Variants in SPRING1 observed in about 807,000 individuals in gnomAD.
The protein encoded by SPRING1 is SREBP regulating gene protein.
Under a neutral mutation model 24.7 loss-of-function variants are expected in SPRING1, and 14 were observed. The ratio of observed to expected loss-of-function variants is 0.57; its 90% CI spans 0.37 to 0.88. The LOEUF is 0.88. SPRING1 is among the 40% of genes least tolerant of loss of function. SPRING1 has a pLI of 0.00. For missense variants in SPRING1, 255 were observed against 268.4 expected, an observed-to-expected ratio of 0.95 and a Z score of 0.35; for synonymous variants, 93 against 106.1, an observed-to-expected ratio of 0.88 and a Z score of 0.76.
At chr12:116,718,754 G>A (rs1870274112) in intron 4 of SPRING1, among the ~76,000 whole-genome samples, 1 of 152,238 alleles carries the variant, frequency 6.6e-6, no homozygotes, top group Non-Finnish European at 1.5e-5. Context: ...CAGAATGAGA[G>A]AGAATCTGAA....
rs1260578315 is a variant in SPRING1 at position 116,720,835 on chromosome 12, G to GA, written c.269-389dup. Among the ~76,000 whole-genome samples the GA allele has an allele frequency of 6.6e-6, 1 of 152,076 alleles. No homozygotes were observed. Among genetic ancestry groups the GA allele is most frequent in the Non-Finnish European group, 1.5e-5 (1 of 68,000 alleles). On this transcript the variant is annotated intron_variant, in intron 2 of 4. Coordinates refer to ENST00000261318, the MANE Select transcript of SPRING1 (RefSeq NM_024738.4). The surrounding 1 kb of genome is among the most constrained non-coding windows in gnomAD (Gnocchi z 4.0). ...TTTTTTGAACAAAAAGTTTAAAACA[G>GA]AAAAAAACCGAGGCACTGATTCACA...
In SPRING1 at chr12:116,713,073, C is replaced by T. The variant is rs1869942404; in HGVS notation, c.*4737G>A. 1 of 152,368 alleles carries T rather than the reference C, an allele frequency of 6.6e-6. No homozygotes were observed. Among genetic ancestry groups the T allele is most frequent in the African/African-American group, 2.4e-5 (1 of 41,432 alleles). 9.4% of individuals were successfully genotyped at this position (152,368 alleles called of 1,614,324 possible). The stretch of plus-strand genomic sequence containing the variant: ...CCTCCACCCGGCTCCCACTTCCAGC[C>T]AGGTAATTCTGTGTCGTGGGGGCTG... On this transcript the variant is annotated 3_prime_UTR_variant, in exon 5 of 5. Coordinates refer to ENST00000261318, the MANE Select transcript of SPRING1 (RefSeq NM_024738.4).
rs543693978 is a variant in SPRING1, at chr12:116,723,833, C to T, written c.112-610G>A. Among the ~76,000 whole-genome samples, 44 of 152,278 alleles carry T rather than the reference C, an allele frequency of 2.9e-4. 1 individual carries two copies. In the South Asian group the frequency reaches 8.7e-3, roughly 30 times the overall value. On this transcript the variant is annotated intron_variant, in intron 1 of 4. Coordinates refer to ENST00000261318, the MANE Select transcript of SPRING1 (RefSeq NM_024738.4). Reference sequence around the variant, plus strand: ...TATGTAACCCGCTACGGAACACACCCAGGCCGGCCAGCCCTCTACCCGGAC... The same window carrying T: ...TATGTAACCCGCTACGGAACACACCTAGGCCGGCCAGCCCTCTACCCGGAC...
In SPRING1 at chr12:116,714,896, T is replaced by C. The variant is rs1265562779; in HGVS notation, c.*2914A>G. 6.6e-6 allele frequency: 1 copy of C among 152,014 alleles called. No homozygotes were observed. The allele number at this position is 152,014 out of a possible 1,614,324, so 9.4% of individuals were successfully genotyped here. A position where few individuals can be genotyped will look rare whatever the true frequency, so the allele number is the denominator to read the frequency against. On this transcript the variant is annotated 3_prime_UTR_variant, in exon 5 of 5. Transcript: ENST00000261318. ...TGTCCTTGCTTGTCTCAGAGCCCTT[T>C]TCACAGTCTCTTGTGTGCTTCTTTC... is the stretch of plus-strand genomic sequence containing the variant.
chr12:116,737,846 G>A lies in SPRING1; in HGVS notation c.55C>T (p.Leu19Phe). 1 of 1,588,872 alleles carries A rather than the reference G, an allele frequency of 6.3e-7. No homozygotes were observed. Among genetic ancestry groups the A allele is most frequent in the Non-Finnish European group, 8.6e-7 (1 of 1,168,386 alleles). The change falls in exon 1 of 5, where the codon CTC becomes TTC. Residue 19 changes from leucine (L) to phenylalanine (F), a missense_variant. Coordinates refer to ENST00000261318, the MANE Select transcript of SPRING1 (RefSeq NM_024738.4). ...WRRLLRKRWV[L>F]ALVFGLSLVY... ...AGCGACAGCCCGAAGACCAGGGCGA[G>A]CACCCACCTCTTCCGCAGAAGCCGG...
chr12:116,730,128 C>T (rs1870902926), intron 1 of SPRING1, among the ~76,000 whole-genome samples: 1 of 152,052 alleles, frequency 6.6e-6, no homozygotes, highest in Non-Finnish European at 1.5e-5. Context: ...TCTCAATCTC[C>T]TGATCTCATG....
Position 116,738,056 on chromosome 12 carries a change from C to G in SPRING1, c.-156G>C. ...AGTCTGCTCCCGGCAGCCTTGGGCG[C>G]AGCCCCACGTGACCCCGCCCTACGC... is the stretch of plus-strand genomic sequence containing the variant. On this transcript the variant is annotated 5_prime_UTR_variant, in exon 1 of 5. Transcript: ENST00000261318. 4 of 1,083,558 alleles carry G rather than the reference C, an allele frequency of 3.7e-6. No individual in the cohort carries two copies. Among genetic ancestry groups the G allele is most frequent in the Middle Eastern group, 4.1e-4 (1 of 2,460 alleles). The allele number at this position is 1,083,558 out of a possible 1,614,324, so 67.1% of individuals were successfully genotyped here.
rs1416610890 is a variant in SPRING1 at position 116,720,978 on chromosome 12, T to A, written c.269-531A>T. Among the ~76,000 whole-genome samples, 1 of 152,198 alleles carries A rather than the reference T, an allele frequency of 6.6e-6. No individual in the cohort carries two copies. Among genetic ancestry groups the A allele is most frequent in the African/African-American group, 2.4e-5 (1 of 41,464 alleles). ...AAATAGAAATATTCACATCTAACCCTTATAAACTGATTTATACGTGTACGT... is the reference window on the plus strand; with the variant it reads ...AAATAGAAATATTCACATCTAACCCATATAAACTGATTTATACGTGTACGT... On this transcript the variant is annotated intron_variant, in intron 2 of 4. Transcript: ENST00000261318. The surrounding 1 kb of genome is among the most constrained non-coding windows in gnomAD (Gnocchi z 4.0).
At chr12:116,721,322 A>G (rs1231935100) in intron 2 of SPRING1, among the ~76,000 whole-genome samples, 1 of 152,208 alleles carries the variant, frequency 6.6e-6, no homozygotes, top group East Asian at 1.9e-4. Flanking sequence ...TCCCAGGTGC[A>G]CGTTCAGGCC....
chr12:116,723,301 A>G (rs954648183), intron 1 of SPRING1, 78 bp from the exon 2 acceptor site: 114 of 1,524,338 alleles, frequency 7.5e-5, no homozygotes, highest in Non-Finnish European at 9.9e-5. Flanking sequence ...CACAGAAACT[A>G]CAGTAAGAGG....
chr12:116,737,276 T>G (rs1871273973), intron 1 of SPRING1, among the ~76,000 whole-genome samples: 1 of 151,618 alleles, frequency 6.6e-6, no homozygotes, highest in Non-Finnish European at 1.5e-5. Context: ...GCGGCGCCGC[T>G]GCAGAAGTCG....
At position 116,730,193 on chromosome 12, in the gene SPRING1, C is replaced by G. The variant is rs556651058; in HGVS notation, c.112-6970G>C. Reference sequence around the variant, plus strand: ...GGGATTACAGGCGTGAGCCACCACGCCCAGCCTTATTTTTACTTTTTAATT... The same window carrying G: ...GGGATTACAGGCGTGAGCCACCACGGCCAGCCTTATTTTTACTTTTTAATT... On this transcript the variant is annotated intron_variant, in intron 1 of 4. Transcript: ENST00000261318. Among the ~76,000 whole-genome samples the G allele has an allele frequency of 2.4e-3, 372 of 152,154 alleles. 3 individuals carry two copies. Among genetic ancestry groups the G allele is most frequent in the Non-Finnish European group, 3.7e-3 (251 of 67,994 alleles).
intron 1 of SPRING1, among the ~76,000 whole-genome samples, chr12:116,737,372 G>A (rs970055922): frequency 6.6e-6 from 1 of 151,866 alleles, no homozygotes; most frequent in Admixed American, 6.6e-5. Flanking sequence ...AGGATGTCAG[G>A]GAAGAAAGGG....
chr12:116,735,160 G>C (rs1871161904), intron 1 of SPRING1, among the ~76,000 whole-genome samples: 1 of 152,174 alleles, frequency 6.6e-6, no homozygotes, highest in Non-Finnish European at 1.5e-5. Flanking sequence ...TTTAATACCT[G>C]GTGAACAGTA....
Position 116,710,894 on chromosome 12 carries a change from T to C in SPRING1, c.*6916A>G, listed in dbSNP as rs1336784751. On this transcript the variant is annotated 3_prime_UTR_variant, in exon 5 of 5. Coordinates refer to ENST00000261318, the MANE Select transcript of SPRING1 (RefSeq NM_024738.4). ...AAGATACGCTAGCCATCACCCTTAATTGACAAATGAGGAAACCAAAGCCGG... is the reference window on the plus strand; with the variant it reads ...AAGATACGCTAGCCATCACCCTTAACTGACAAATGAGGAAACCAAAGCCGG... The C allele has an allele frequency of 2.6e-5, 4 of 152,116 alleles. No homozygotes were observed. The highest frequency in any genetic ancestry group is 6.6e-5 in the Admixed American group (1 of 15,264). The allele number at this position is 152,116 out of a possible 1,614,324, so 9.4% of individuals were successfully genotyped here.
chr12:116,733,610 G>A (rs1157935980), intron 1 of SPRING1, among the ~76,000 whole-genome samples: 1 of 152,054 alleles, frequency 6.6e-6, no homozygotes, highest in Non-Finnish European at 1.5e-5. Flanking sequence ...ATGTGTTTGT[G>A]TTTTCAGCTA....
chr12:116,711,696 C>A lies in SPRING1; in HGVS notation c.*6114G>T, dbSNP rs1869878961. On this transcript the variant is annotated 3_prime_UTR_variant, in exon 5 of 5. Transcript: ENST00000261318. Reference sequence around the variant, plus strand: ...CTGGCGCAATGACGGCTCACTGCAGCCTTGACCTCCTGGACTCAAGCCATC... The same window carrying A: ...CTGGCGCAATGACGGCTCACTGCAGACTTGACCTCCTGGACTCAAGCCATC... 1 of 152,390 alleles carries A rather than the reference C, an allele frequency of 6.6e-6. No individual in the cohort carries two copies. The highest frequency in any genetic ancestry group is 2.4e-5 in the African/African-American group (1 of 41,442). The allele number at this position is 152,390 out of a possible 1,614,324, so 9.4% of individuals were successfully genotyped here. A position where few individuals can be genotyped will look rare whatever the true frequency, so the allele number is the denominator to read the frequency against.
rs143613543 is a variant in SPRING1 at position 116,735,853 on chromosome 12, C to T, written c.111+1937G>A. Among the ~76,000 whole-genome samples the T allele has an allele frequency of 2.9e-3, 443 of 151,396 alleles. 1 individual carries two copies. Among genetic ancestry groups the T allele is most frequent in the African/African-American group, 9.5e-3 (391 of 41,256 alleles). On this transcript the variant is annotated intron_variant, in intron 1 of 4. Coordinates refer to ENST00000261318, the MANE Select transcript of SPRING1 (RefSeq NM_024738.4). ...TCGGGAGTTCAAGACCAGCCATGAC[C>T]AACATGGAGAAACCCCGTTTCTACT... is the stretch of plus-strand genomic sequence containing the variant.
chr12:116,710,977 A>T lies in SPRING1; in HGVS notation c.*6833T>A. 1 of 151,142 alleles carries T rather than the reference A, an allele frequency of 6.6e-6. No homozygotes were observed. Among genetic ancestry groups the T allele is most frequent in the East Asian group, 1.9e-4 (1 of 5,174 alleles). 9.4% of individuals were successfully genotyped at this position (151,142 alleles called of 1,614,324 possible). On this transcript the variant is annotated 3_prime_UTR_variant, in exon 5 of 5. Coordinates refer to ENST00000261318, the MANE Select transcript of SPRING1 (RefSeq NM_024738.4). ...GTGCTCTTGTCAATAAAATTAGGAT[A>T]TTGCTCACATACTTCATACTGCTTT...
Sources: allele counts gnomAD v4.1 joint callset (sites outside exome capture counted in the v4.1 genomes callset), GRCh38; gene constraint gnomAD v4.1.1; non-coding constraint Gnocchi (gnomAD v3.1); transcripts MANE v1.5; gene names NCBI Gene and HGNC (gene_info 2026-07-23, HGNC 2026-07-21).